VIPR1: variants seen among roughly 807,000 people sequenced by gnomAD.
VIPR1 encodes vasoactive intestinal peptide receptor 1.
Under a neutral mutation model 58.8 loss-of-function variants are expected in VIPR1, and 59 were observed. The observed-to-expected ratio is 1.00, with a 90% confidence interval of 0.81 to 1.25. The LOEUF is 1.25. Among genes scored for constraint, VIPR1 ranks in the 50% most tolerant of loss-of-function variants. VIPR1 has a pLI of 0.00. For synonymous variants in VIPR1, 251 were observed against 242.1 expected, an observed-to-expected ratio of 1.04 and a Z score of -0.34; for missense variants, 626 against 602.7, an observed-to-expected ratio of 1.04 and a Z score of -0.40.
intron 2 of VIPR1, among the ~76,000 whole-genome samples, 171 bp from the exon 3 acceptor site, chr3:42,519,052 G>C (rs1700776125): frequency 6.6e-6 from 1 of 152,218 alleles, no homozygotes; most frequent in Non-Finnish European, 1.5e-5. Context: ...TCCCTGTCAG[G>C]ACAGCCCCGT....
At chr3:42,522,501 G>A (rs1395922572) in intron 3 of VIPR1, among the ~76,000 whole-genome samples, 1 of 152,154 alleles carries the variant, frequency 6.6e-6, no homozygotes, top group Non-Finnish European at 1.5e-5. Flanking sequence ...TGTTAACCAT[G>A]TCTGTGGGGT....
chr3:42,524,320 G>A (rs567582201), intron 3 of VIPR1, among the ~76,000 whole-genome samples: 12 of 152,340 alleles, frequency 7.9e-5, no homozygotes, highest in South Asian at 4.1e-4. Flanking sequence ...TGAGAGGGGC[G>A]CAGAAGGACA....
chr3:42,530,627 C>T (rs988682547), intron 6 of VIPR1, 152 bp from the exon 7 acceptor site: 67 of 889,804 alleles, frequency 7.5e-5, no homozygotes, highest in Non-Finnish European at 1.3e-5. Flanking sequence ...AATGGGAAAA[C>T]CAATGAGTAC....
chr3:42,526,555 A>G (rs565932643), intron 4 of VIPR1, among the ~76,000 whole-genome samples: 151 of 152,294 alleles, frequency 9.9e-4, no homozygotes, highest in Non-Finnish European at 3.1e-4. Flanking sequence ...GTGCAAATGC[A>G]TGTGTGTGTG....
At chr3:42,502,307 T>C (rs1699899197), upstream of VIPR1, 2 of 155,094 alleles carry the variant, frequency 1.3e-5, no homozygotes, top group South Asian at 4.1e-4. Flanking sequence ...CGCCCTGGGA[T>C]GGGGCTGAGG....
chr3:42,503,671 C>T (rs186648146), intron 1 of VIPR1, among the ~76,000 whole-genome samples: 85 of 152,212 alleles, frequency 5.6e-4, no homozygotes, highest in Non-Finnish European at 9.7e-4. Context: ...ACAGGGGAGA[C>T]CTCAGCACTC....
chr3:42,493,010 G>A (rs912593927), intron 1 of VIPR1, among the ~76,000 whole-genome samples: 1 of 152,238 alleles, frequency 6.6e-6, no homozygotes, highest in Non-Finnish European at 1.5e-5. Flanking sequence ...AACAAACCAC[G>A]CAGGAACCCA....
intron 1 of VIPR1, among the ~76,000 whole-genome samples, chr3:42,511,461 G>A (rs1245240868): frequency 1.3e-5 from 2 of 152,208 alleles, no homozygotes; most frequent in South Asian, 2.1e-4. Flanking sequence ...TCCCCTGGAA[G>A]AGGGTTCATC....
At position 42,519,210 on chromosome 3, in the gene VIPR1, C is replaced by T. The variant is rs942804033; in HGVS notation, c.185-13C>T. 4 of 1,599,904 alleles carry T rather than the reference C, an allele frequency of 2.5e-6. No homozygotes were observed. Among genetic ancestry groups the T allele is most frequent in the Non-Finnish European group, 2.6e-6 (3 of 1,173,230 alleles). On this transcript the variant is annotated splice_polypyrimidine_tract_variant and intron_variant, in intron 2 of 12. Coordinates refer to ENST00000325123, the MANE Select transcript of VIPR1 (RefSeq NM_004624.4). The stretch of plus-strand genomic sequence containing the variant: ...CTGTGCTCACCCATGTGTCTTCTGC[C>T]TTACCCCCATAGGCTGCAGCAAGAT...
At chr3:42,522,370 G>A (rs920579071) in intron 3 of VIPR1, among the ~76,000 whole-genome samples, 2 of 151,974 alleles carry the variant, frequency 1.3e-5, no homozygotes, top group African/African-American at 4.8e-5. Flanking sequence ...GCCTCCCAAA[G>A]TGCTGGGATT....
intron 3 of VIPR1, chr3:42,519,534 G>T (rs1700808278): frequency 8.6e-6 from 4 of 467,384 alleles, no homozygotes; most frequent in Non-Finnish European, 1.5e-5. Flanking sequence ...AAGCATGTGG[G>T]AAAGGCTCAC....
chr3:42,523,685 C>T (rs934706526), intron 3 of VIPR1, among the ~76,000 whole-genome samples: 1 of 151,988 alleles, frequency 6.6e-6, no homozygotes, highest in Non-Finnish European at 1.5e-5. Flanking sequence ...CCCAGGTTTG[C>T]TGGCATAATT....
chr3:42,494,459 G>A (rs1699722969), intron 1 of VIPR1, among the ~76,000 whole-genome samples: 1 of 152,126 alleles, frequency 6.6e-6, no homozygotes, highest in African/African-American at 2.4e-5. Flanking sequence ...TCTGAGCTTG[G>A]TATTTTTTAG....
Position 42,532,042 on chromosome 3 carries a change from C to A in VIPR1, c.918+173C>A, listed in dbSNP as rs370364418. 4 of 915,714 alleles carry A rather than the reference C, an allele frequency of 4.4e-6. No individual in the cohort carries two copies. The African/African-American group carries it at 5.0e-5, about 11-fold the overall frequency. The allele number at this position is 915,714 out of a possible 1,614,324, so 56.7% of individuals were successfully genotyped here. On this transcript the variant is annotated intron_variant, in intron 9 of 12. Transcript: ENST00000325123. ...CTACCAGTTCTTCCTTGAGCGTAAG[C>A]GGATTGGGAGCACAGTCCTTAGGGA...
At chr3:42,531,121 T>C in intron 7 of VIPR1, 189 bp downstream of exon 7, 1 of 752,764 alleles carries the variant, frequency 1.3e-6, no homozygotes, top group Non-Finnish European at 2.1e-6. Flanking sequence ...GTCCCTCAGG[T>C]TGCAGCTGCA....
At chr3:42,514,364 G>A (rs1305344544) in intron 2 of VIPR1, among the ~76,000 whole-genome samples, 1 of 152,000 alleles carries the variant, frequency 6.6e-6, no homozygotes, top group Non-Finnish European at 1.5e-5. Flanking sequence ...ACCCCCACAG[G>A]GACCACATGG....
intron 1 of VIPR1, among the ~76,000 whole-genome samples, chr3:42,493,142 A>G (rs1699695751): frequency 6.6e-6 from 1 of 152,238 alleles, no homozygotes; most frequent in South Asian, 2.1e-4. Flanking sequence ...ATGGACTGAG[A>G]TTCCATCCAA....
chr3:42,536,877 G>A lies in VIPR1; in HGVS notation c.*596G>A, dbSNP rs369480358. 6.6e-6 allele frequency: 1 copy of A among 152,256 alleles called. No homozygotes were observed. The highest frequency in any genetic ancestry group is 2.1e-4 in the South Asian group (1 of 4,832). The allele number at this position is 152,256 out of a possible 1,614,324, so 9.4% of individuals were successfully genotyped here. A position where few individuals can be genotyped will look rare whatever the true frequency, so the allele number is the denominator to read the frequency against. ...TTATTCTGGAGTTTTTGTTTGGAGA[G>A]CACACCTATCTTAGTGGTTCCCCAC... On this transcript the variant is annotated 3_prime_UTR_variant, in exon 13 of 13. Transcript: ENST00000325123.
chr3:42,520,511 G>C (rs541912876), intron 3 of VIPR1, among the ~76,000 whole-genome samples: 111 of 152,168 alleles, frequency 7.3e-4, no homozygotes, highest in Non-Finnish European at 1.3e-3. Context: ...AGAAGTGGGA[G>C]AGTTGTTTAT....
Sources: allele counts gnomAD v4.1 joint callset (sites outside exome capture counted in the v4.1 genomes callset), GRCh38; gene constraint gnomAD v4.1.1; transcripts MANE v1.5; gene names NCBI Gene and HGNC (gene_info 2026-07-23, HGNC 2026-07-21).